PRCD: variants seen among roughly 807,000 people sequenced by gnomAD.
The protein encoded by PRCD is photoreceptor disc component.
A neutral mutation model predicts 10.1 loss-of-function variants in PRCD; 12 were observed. The ratio of observed to expected loss-of-function variants is 1.18; its 90% CI spans 0.76 to 1.92. PRCD has a LOEUF of 1.92. PRCD is among the 40% of genes most tolerant of loss of function. PRCD has a pLI of 0.00. For missense variants in PRCD, 61 were observed against 72.2 expected (o/e 0.84, Z 0.56); for synonymous variants, 31 against 26.2 (o/e 1.18, Z -0.56).
At position 76,531,219 on chromosome 17, in the gene PRCD, C is replaced by T. The variant is rs979947784; in HGVS notation, n.45+3386C>T. 4.1e-5 allele frequency: 60 copies of T among 1,459,756 alleles called. No individual in the cohort carries two copies. Among genetic ancestry groups the T allele is most frequent in the East Asian group, 1.4e-4 (6 of 43,168 alleles). 90.4% of individuals were successfully genotyped at this position (1,459,756 alleles called of 1,614,324 possible). A position where few individuals can be genotyped will look rare whatever the true frequency, so the allele number is the denominator to read the frequency against. On this transcript the variant is annotated intron_variant and non_coding_transcript_variant, in intron 1 of 4. Transcript: ENST00000397633. This position sits in a 1 kb window ranked among gnomAD's most constrained non-coding sequence, Gnocchi z 7.4. ...GCAACCCCCAGGCCCCTCCGCCCCA[C>T]GTGTGGCCGAGAGGATCATTCCTAA...
chr17:76,529,285 G>A (rs1018481474), intron 1 of PRCD: 1 of 985,294 alleles, frequency 1.0e-6, no homozygotes, highest in African/African-American at 1.7e-5. Context: ...AGGGATGAGG[G>A]GACCACCCCA....
downstream of PRCD, chr17:76,550,265 CT>C (rs1279616888): frequency 2.1e-3 from 279 of 130,750 alleles, no homozygotes; most frequent in Middle Eastern, 5.1e-3. Flanking sequence ...CTAGAAGGTT[CT>C]TTTTTTTTTT....
chr17:76,530,957 C>T lies in PRCD; in HGVS notation n.45+3124C>T. On this transcript the variant is annotated intron_variant and non_coding_transcript_variant, in intron 1 of 4. Transcript: ENST00000397633. The surrounding 1 kb of genome is among the most constrained non-coding windows in gnomAD (Gnocchi z 6.1). Reference sequence around the variant, plus strand: ...GGACATGGCGGGGAGGCTGCCCAGCCCACCCTCGCCCGCCTCCTCACGTGG... The same window carrying T: ...GGACATGGCGGGGAGGCTGCCCAGCTCACCCTCGCCCGCCTCCTCACGTGG... 2.6e-6 allele frequency: 4 copies of T among 1,552,248 alleles called. No homozygotes were observed. The highest frequency in any genetic ancestry group is 3.5e-6 in the Non-Finnish European group (4 of 1,146,040).
chr17:76,542,489 G>A, intron 2 of PRCD, 64 bp from the exon 3 acceptor site: 2 of 1,592,496 alleles, frequency 1.3e-6, no homozygotes, highest in East Asian at 2.2e-5. Context: ...GGAGGAAGAG[G>A]AGAGTCAGAA....
rs886053476 is a variant in PRCD, at chr17:76,544,065, TTC to T, written c.*421_*422del. 4.4e-6 allele frequency: 2 copies of T among 454,548 alleles called. No homozygotes were observed. Among genetic ancestry groups the T allele is most frequent in the Non-Finnish European group, 8.8e-6 (2 of 226,964 alleles). 28.2% of individuals were successfully genotyped at this position (454,548 alleles called of 1,614,324 possible). A position where few individuals can be genotyped will look rare whatever the true frequency, so the allele number is the denominator to read the frequency against. On this transcript the variant is annotated 3_prime_UTR_variant, in exon 5 of 5. Transcript: ENST00000592014. ...CCTTTGCCCCCAGCTGCTCTGCCAT[TTC>T]TCTCTTTTCAATCCTGCATGATCCT...
chr17:76,542,113 A>G (rs2074998614), intron 2 of PRCD, among the ~76,000 whole-genome samples: 1 of 152,204 alleles, frequency 6.6e-6, no homozygotes, highest in Non-Finnish European at 1.5e-5. Flanking sequence ...GGCTTGCTCC[A>G]GATCATCTAT....
Position 76,540,685 on chromosome 17 carries a change from C to T in PRCD, c.143+112C>T, listed in dbSNP as rs2074982112. On this transcript the variant is annotated intron_variant, in intron 2 of 4. Coordinates refer to ENST00000592014, the MANE Select transcript of PRCD (RefSeq NM_001077620.3). This position sits in a 1 kb window ranked among gnomAD's most constrained non-coding sequence, Gnocchi z 5.0. ...TGCGCGCCTGTGCGTGCACCGTATC[C>T]TGGCCCTTGCCCTAAGCACCCTGCT... 3 of 1,070,436 alleles carry T rather than the reference C, an allele frequency of 2.8e-6. No homozygotes were observed. Among genetic ancestry groups the T allele is most frequent in the Admixed American group, 1.9e-5 (1 of 51,554 alleles). The allele number at this position is 1,070,436 out of a possible 1,614,324, so 66.3% of individuals were successfully genotyped here.
At chr17:76,541,356 T>C (rs2074991431) in intron 2 of PRCD, among the ~76,000 whole-genome samples, 1 of 152,172 alleles carries the variant, frequency 6.6e-6, no homozygotes, top group Non-Finnish European at 1.5e-5. Flanking sequence ...GTAAAAAAGA[T>C]CCGATGACAT....
At chr17:76,537,597 G>C (rs566257286), upstream of PRCD, 2 of 1,049,740 alleles carry the variant, frequency 1.9e-6, no homozygotes, top group South Asian at 8.8e-5. Context: ...GCGGGGCGCG[G>C]GGCGCGGGGC....
At chr17:76,537,598 G>A (rs1218685374), upstream of PRCD, 1 of 1,049,420 alleles carries the variant, frequency 9.5e-7, no homozygotes, top group East Asian at 6.5e-5. Flanking sequence ...CGGGGCGCGG[G>A]GCGCGGGGCG....
At position 76,540,250 on chromosome 17, in the gene PRCD, T is replaced by TGGGTG; in HGVS notation, c.74+35_74+36insGGGTG. 2 of 463,682 alleles carry TGGGTG rather than the reference T, an allele frequency of 4.3e-6. 1 individual carries two copies. The highest frequency in any genetic ancestry group is 7.2e-6 in the Non-Finnish European group (2 of 276,418). 28.7% of individuals were successfully genotyped at this position (463,682 alleles called of 1,614,324 possible). On this transcript the variant is annotated intron_variant, in intron 1 of 4. Transcript: ENST00000592014. This position sits in a 1 kb window ranked among gnomAD's most constrained non-coding sequence, Gnocchi z 5.0. Reference sequence around the variant, plus strand: ...TGACCGGGCTATGGCTGGCGGTTGGTCGGGGGGGGGGGGCATGGGGCTGGG... The same window carrying TGGGTG: ...TGACCGGGCTATGGCTGGCGGTTGGTGGGTGCGGGGGGGGGGGGCATGGGGCTGGG...
At chr17:76,546,920 C>T (rs1301521581), downstream of PRCD, 1 of 152,214 alleles carries the variant, frequency 6.6e-6, no homozygotes, top group South Asian at 2.1e-4. The surrounding 1 kb of genome is among the most constrained non-coding windows in gnomAD (Gnocchi z 4.5). Context: ...AAGCCAGGAC[C>T]TGAGCCTGGG....
At chr17:76,542,285 A>G (rs796845140) in intron 2 of PRCD, among the ~76,000 whole-genome samples, 25 of 152,304 alleles carry the variant, frequency 1.6e-4, no homozygotes, top group African/African-American at 5.5e-4. Flanking sequence ...GCAGTTGCCT[A>G]TTAACTCCTT....
intron 1 of PRCD, chr17:76,529,294 C>T (rs2074805306): frequency 1.0e-6 from 1 of 985,448 alleles, no homozygotes; most frequent in South Asian, 4.7e-5. Flanking sequence ...GGGACCACCC[C>T]ACCACTTGAC....
upstream of PRCD, chr17:76,540,011 C>T: frequency 6.3e-6 from 6 of 953,984 alleles, no homozygotes; most frequent in Non-Finnish European, 4.9e-6. This position sits in a 1 kb window ranked among gnomAD's most constrained non-coding sequence, Gnocchi z 5.0. Flanking sequence ...CAGCTTGAGC[C>T]TCCTAATCCA....
downstream of PRCD, among the ~76,000 whole-genome samples, chr17:76,549,767 C>T (rs1410118795): frequency 7.2e-5 from 11 of 152,042 alleles, no homozygotes; most frequent in Admixed American, 7.2e-4. Context: ...CTGATGCCGA[C>T]GACATGGGTA....
At position 76,528,914 on chromosome 17, in the gene PRCD, A is replaced by G; in HGVS notation, n.45+1081A>G. ...TGTTTCACAAACTGCAAAGCACGATACCAATGTGAGCTCTTTTTCCATTAA... is the reference window on the plus strand; with the variant it reads ...TGTTTCACAAACTGCAAAGCACGATGCCAATGTGAGCTCTTTTTCCATTAA... On this transcript the variant is annotated intron_variant and non_coding_transcript_variant, in intron 1 of 4. Coordinates refer to the PRCD transcript ENST00000397633. The surrounding 1 kb of genome is among the most constrained non-coding windows in gnomAD (Gnocchi z 5.8). 1 of 1,179,240 alleles carries G rather than the reference A, an allele frequency of 8.5e-7. No individual in the cohort carries two copies. The highest frequency in any genetic ancestry group is 3.8e-5 in the East Asian group (1 of 26,526). 73.0% of individuals were successfully genotyped at this position (1,179,240 alleles called of 1,614,324 possible). A position where few individuals can be genotyped will look rare whatever the true frequency, so the allele number is the denominator to read the frequency against.
At position 76,540,394 on chromosome 17, in the gene PRCD, G is replaced by C. The variant is rs2074976663; in HGVS notation, c.75-111G>C. On this transcript the variant is annotated intron_variant, in intron 1 of 4. Transcript: ENST00000592014. The surrounding 1 kb of genome is among the most constrained non-coding windows in gnomAD (Gnocchi z 5.0). ...AGCAGGGGGACTTAGAGCTTCAAAG[G>C]CTCTAGTTGCAGCCTCTACTCCCAT... 1 of 1,350,396 alleles carries C rather than the reference G, an allele frequency of 7.4e-7. No homozygotes were observed. The allele number at this position is 1,350,396 out of a possible 1,614,324, so 83.7% of individuals were successfully genotyped here.
downstream of PRCD, among the ~76,000 whole-genome samples, chr17:76,547,841 T>TCA (rs144275867): frequency 3.5e-4 from 43 of 123,816 alleles, 2 homozygotes; most frequent in African/African-American, 1.7e-3. Flanking sequence ...CAACACACAT[T>TCA]CACACACACA....
Sources: allele counts gnomAD v4.1 joint callset (sites outside exome capture counted in the v4.1 genomes callset), GRCh38; gene constraint gnomAD v4.1.1; non-coding constraint Gnocchi (gnomAD v3.1); transcripts MANE v1.5; gene names NCBI Gene and HGNC (gene_info 2026-07-23, HGNC 2026-07-21).